Variants in SCP2 observed in about 807,000 individuals in gnomAD.
The protein encoded by SCP2 is SCP-2/3-oxoacyl-CoA thiolase.
A neutral mutation model predicts 71.4 loss-of-function variants in SCP2; 48 were observed. The observed-to-expected ratio is 0.67, with a 90% CI of 0.53 to 0.86. SCP2 has a LOEUF of 0.86. Among genes scored for constraint, SCP2 ranks in the 40% least tolerant of loss-of-function variants. The pLI, the probability that SCP2 is intolerant of heterozygous loss-of-function variation, is 0.00. For missense variants in SCP2, 560 were observed against 655.6 expected, an observed-to-expected ratio of 0.85 and a Z score of 1.59; for synonymous variants, 220 against 218.1, an observed-to-expected ratio of 1.01 and a Z score of -0.08.
At chr1:53,018,563 GA>G (rs1352486446) in intron 12 of SCP2, among the ~76,000 whole-genome samples, 23 of 152,014 alleles carry the variant, frequency 1.5e-4, no homozygotes, top group African/African-American at 4.3e-4. Context: ...ACAACATGGC[GA>G]AACCCCCTCT....
At chr1:52,966,607 C>T (rs559189918) in intron 6 of SCP2, among the ~76,000 whole-genome samples, 32 of 151,668 alleles carry the variant, frequency 2.1e-4, no homozygotes, top group African/African-American at 7.7e-4. Context: ...AAATAGGGGC[C>T]AGTTGTGGTG....
intron 4 of SCP2, among the ~76,000 whole-genome samples, chr1:52,954,112 A>C (rs895946391): frequency 6.6e-6 from 1 of 151,920 alleles, no homozygotes; most frequent in Non-Finnish European, 1.5e-5. Context: ...GGAGTTCAAG[A>C]CCAGCCTGAG....
intron 11 of SCP2, among the ~76,000 whole-genome samples, chr1:53,004,175 G>A (rs1660485140): frequency 6.6e-6 from 1 of 152,194 alleles, no homozygotes; most frequent in African/African-American, 2.4e-5. Context: ...GAGCTGAATG[G>A]TGCGAGATTT....
At chr1:53,003,123 A>G (rs929311811) in intron 11 of SCP2, among the ~76,000 whole-genome samples, 8 of 152,222 alleles carry the variant, frequency 5.3e-5, no homozygotes, top group Non-Finnish European at 1.0e-4. Context: ...TATCTGTGCC[A>G]GGACAAATGG....
chr1:52,970,835 C>CT (rs796368085), intron 6 of SCP2, among the ~76,000 whole-genome samples: 87 of 145,374 alleles, frequency 6.0e-4, no homozygotes, highest in African/African-American at 1.6e-3. Context: ...TTTTCTTTTT[C>CT]TTTTTTTTTT....
At chr1:53,003,166 G>C (rs1660426866) in intron 11 of SCP2, among the ~76,000 whole-genome samples, 1 of 152,170 alleles carries the variant, frequency 6.6e-6, no homozygotes, top group South Asian at 2.1e-4. Context: ...CTAGATACCT[G>C]TTGCTAGCTA....
intron 11 of SCP2, among the ~76,000 whole-genome samples, chr1:53,011,690 C>A (rs1660997317): frequency 6.6e-6 from 1 of 152,170 alleles, no homozygotes. Context: ...CCCATGGGAT[C>A]TGACACTATC....
chr1:52,952,002 C>G (rs1655362345), intron 4 of SCP2, among the ~76,000 whole-genome samples: 1 of 152,008 alleles, frequency 6.6e-6, no homozygotes, highest in African/African-American at 2.4e-5. Flanking sequence ...TACACCTTGG[C>G]CTCACAAAGT....
intron 13 of SCP2, among the ~76,000 whole-genome samples, chr1:53,033,316 T>G (rs1409588933): frequency 1.3e-5 from 2 of 152,144 alleles, no homozygotes; most frequent in Admixed American, 1.3e-4. Context: ...AGAAAAAGGT[T>G]GACATACCGG....
intron 2 of SCP2, among the ~76,000 whole-genome samples, chr1:52,947,103 C>A (rs534498674): frequency 6.7e-6 from 1 of 149,684 alleles, no homozygotes; most frequent in African/African-American, 2.4e-5. Flanking sequence ...AATAGAGGGC[C>A]GAGTGTGGTG....
At chr1:52,939,241 A>C (rs372061110) in intron 1 of SCP2, among the ~76,000 whole-genome samples, 1 of 152,144 alleles carries the variant, frequency 6.6e-6, no homozygotes, top group South Asian at 2.1e-4. Context: ...GTTATGAATA[A>C]AGCTAGTATA....
At chr1:53,023,430 T>A (rs1231816039) in intron 12 of SCP2, among the ~76,000 whole-genome samples, 3 of 152,184 alleles carry the variant, frequency 2.0e-5, no homozygotes, top group Non-Finnish European at 4.4e-5. Flanking sequence ...CCATAGATAA[T>A]TCTGCTCTGA....
In SCP2 at chr1:52,955,576, C is replaced by T. The variant is rs191651552; in HGVS notation, c.396+772C>T. 2.0e-5 allele frequency among the ~76,000 whole-genome samples: 3 copies of T among 152,128 alleles called. No homozygotes were observed. In the East Asian group the frequency reaches 5.8e-4, roughly 29 times the overall value. On this transcript the variant is annotated intron_variant, in intron 5 of 15. Transcript: ENST00000371514. ...AAAACCTTTCATTGAGTTAATAAAT[C>T]ACAGACTAGCCCTCATGTGGGATCA... is the stretch of plus-strand genomic sequence containing the variant.
intron 1 of SCP2, among the ~76,000 whole-genome samples, chr1:52,932,514 G>A (rs79259868): frequency 2.0e-5 from 3 of 152,178 alleles, no homozygotes. Context: ...AACCAAGGAA[G>A]AAGATACTGG....
chr1:53,048,177 C>T (rs1663957873), intron 15 of SCP2: 1 of 449,408 alleles, frequency 2.2e-6, no homozygotes, highest in African/African-American at 2.0e-5. Context: ...GTAAAAGAGT[C>T]AGTGCAGCCA....
At chr1:53,002,351 A>T (rs1024162882) in intron 11 of SCP2, among the ~76,000 whole-genome samples, 10 of 152,236 alleles carry the variant, frequency 6.6e-5, no homozygotes, top group African/African-American at 1.9e-4. Flanking sequence ...TTTAACATCT[A>T]GAACGTGGCA....
chr1:52,975,827 A>T (rs1228870134), intron 7 of SCP2, among the ~76,000 whole-genome samples: 1 of 152,166 alleles, frequency 6.6e-6, no homozygotes, highest in East Asian at 1.9e-4. Context: ...TGAAGCGCCT[A>T]GGAGTTAATG....
chr1:52,976,066 G>T (rs1349846357), intron 7 of SCP2, among the ~76,000 whole-genome samples: 3 of 152,172 alleles, frequency 2.0e-5, no homozygotes, highest in African/African-American at 7.2e-5. Flanking sequence ...ACAGTCAAAT[G>T]AAGAGGCATA....
At position 52,990,638 on chromosome 1, in the gene SCP2, G is replaced by A. The variant is rs1405645596; in HGVS notation, c.1081+2502G>A. On this transcript the variant is annotated intron_variant, in intron 11 of 15. Transcript: ENST00000371514. ...AGTCCCAGCTACTTGGGAGGCTGAG[G>A]CAGGAGAATGGCGTGAACCCGGGAG... 2.0e-5 allele frequency among the ~76,000 whole-genome samples: 3 copies of A among 150,604 alleles called. No individual in the cohort carries two copies. In the East Asian group the frequency reaches 5.9e-4, roughly 29 times the overall value.
Sources: gnomAD v4.1 joint callset for allele counts (sites outside exome capture counted in the v4.1 genomes callset) on GRCh38, gnomAD v4.1.1 for gene constraint, MANE v1.5 for transcripts, NCBI Gene and HGNC (gene_info 2026-07-23, HGNC 2026-07-21) for gene names.